Variants in TENM2 observed in about 807,000 individuals in gnomAD.
TENM2 encodes teneurin transmembrane protein 2.
Under a neutral mutation model 245.2 loss-of-function variants are expected in TENM2, and 52 were observed. The ratio of observed to expected loss-of-function variants is 0.21; its 90% CI spans 0.17 to 0.27. TENM2 has a LOEUF of 0.27. Ranked by LOEUF, TENM2 falls within the 10% of genes least tolerant of loss-of-function variation. The probability of loss-of-function intolerance (pLI) is 1.00; values close to 1 mark genes in which losing one functional copy is unlikely to be tolerated. For synonymous variants in TENM2, 1,363 were observed against 1,438.9 expected (o/e 0.95, Z 1.19); for missense variants, 3,046 against 3,666.8 (o/e 0.83, Z 4.37).
At chr5:168,229,515 T>TAA (rs1764629967) in intron 25 of TENM2, 1 of 138,446 alleles carries the variant, frequency 7.2e-6, no homozygotes, top group East Asian at 2.2e-4. Context: ...GGGTAGATCA[T>TAA]AAGTAAAAAC....
the TENM2 span, among the ~76,000 whole-genome samples, chr5:167,279,522 C>A: frequency 7.7e-5 from 9 of 116,872 alleles, no homozygotes; most frequent in African/African-American, 3.7e-4. Context: ...CCTTTCCTTC[C>A]TTCCTTCCTT....
chr5:167,914,622 G>C (rs563491546), intron 3 of TENM2, among the ~76,000 whole-genome samples: 1 of 152,274 alleles, frequency 6.6e-6, no homozygotes, highest in Admixed American at 6.5e-5. Context: ...CACTGAATGG[G>C]TGGCTTCAAA....
At chr5:167,784,376 G>A (rs1345765836) in intron 2 of TENM2, among the ~76,000 whole-genome samples, 1 of 152,170 alleles carries the variant, frequency 6.6e-6, no homozygotes, top group Non-Finnish European at 1.5e-5. Flanking sequence ...TGTAGTGAAA[G>A]CTCAATGCTT....
chr5:167,483,947 G>A (rs1163326309), intron 2 of TENM2, among the ~76,000 whole-genome samples: 2 of 152,128 alleles, frequency 1.3e-5, no homozygotes, highest in South Asian at 2.1e-4. Context: ...AGTTAATTTC[G>A]ATGCTAATTA....
intron 3 of TENM2, among the ~76,000 whole-genome samples, chr5:167,883,462 A>G (rs1438016733): frequency 6.6e-6 from 1 of 152,168 alleles, no homozygotes; most frequent in East Asian, 1.9e-4. Flanking sequence ...GGTCAGGACC[A>G]CTCTTCTGCA....
intron 2 of TENM2, among the ~76,000 whole-genome samples, chr5:167,614,146 A>G (rs1389155158): frequency 6.6e-6 from 1 of 152,186 alleles, no homozygotes; most frequent in Non-Finnish European, 1.5e-5. Flanking sequence ...CCGCTACTCA[A>G]CTGATTATAC....
chr5:167,590,557 C>T (rs1000830838), intron 2 of TENM2, among the ~76,000 whole-genome samples: 6 of 151,876 alleles, frequency 4.0e-5, no homozygotes, highest in East Asian at 1.9e-4. Flanking sequence ...ATAGAAGAAC[C>T]ACTCCTTTTT....
intron 1 of TENM2, among the ~76,000 whole-genome samples, chr5:167,348,694 G>A (rs1758628778): frequency 6.6e-6 from 1 of 152,182 alleles, no homozygotes; most frequent in Non-Finnish European, 1.5e-5. Flanking sequence ...TTTAACCCCA[G>A]GGGACTTGTG....
intron 2 of TENM2, among the ~76,000 whole-genome samples, chr5:167,413,901 C>T (rs1303918076): frequency 1.3e-5 from 2 of 152,090 alleles, no homozygotes; most frequent in African/African-American, 4.8e-5. Context: ...AAATGCATAG[C>T]GCTCAATACT....
chr5:167,369,085 G>T (rs2127293146), intron 1 of TENM2, among the ~76,000 whole-genome samples: 1 of 152,102 alleles, frequency 6.6e-6, no homozygotes, highest in East Asian at 1.9e-4. Flanking sequence ...GGCTTGTTTT[G>T]TCTGCTGCCG....
chr5:167,276,883 G>A, the TENM2 span, among the ~76,000 whole-genome samples: 1 of 152,044 alleles, frequency 6.6e-6, no homozygotes, highest in African/African-American at 2.4e-5. Flanking sequence ...TGAATCTGAT[G>A]TGGCAAAACC....
intron 2 of TENM2, among the ~76,000 whole-genome samples, chr5:167,784,388 C>T (rs1360414190): frequency 6.6e-6 from 1 of 152,200 alleles, no homozygotes; most frequent in African/African-American, 2.4e-5. Context: ...TCAATGCTTG[C>T]TGCTGCTTCT....
chr5:168,133,991 C>A (rs924076483), intron 12 of TENM2, among the ~76,000 whole-genome samples: 1 of 151,948 alleles, frequency 6.6e-6, no homozygotes, highest in African/African-American at 2.4e-5. Flanking sequence ...CCCGCCTCTA[C>A]TAAACATACA....
chr5:167,104,869 G>T, the TENM2 span, among the ~76,000 whole-genome samples: 3 of 152,166 alleles, frequency 2.0e-5, no homozygotes, highest in Non-Finnish European at 4.4e-5. Context: ...GCAGGAAATA[G>T]GGTATTTGAC....
At chr5:167,461,712 C>A (rs1315978982) in intron 2 of TENM2, among the ~76,000 whole-genome samples, 3 of 152,100 alleles carry the variant, frequency 2.0e-5, no homozygotes, top group Non-Finnish European at 4.4e-5. Context: ...GCAACCAAGG[C>A]TCTATGTCAA....
chr5:167,810,873 A>C (rs534854257), intron 2 of TENM2, among the ~76,000 whole-genome samples: 1 of 152,260 alleles, frequency 6.6e-6, no homozygotes, highest in Non-Finnish European at 1.5e-5. Flanking sequence ...AGGCACTGTA[A>C]CACATAGTTT....
intron 2 of TENM2, among the ~76,000 whole-genome samples, chr5:167,603,771 T>A (rs1776821394): frequency 6.6e-6 from 1 of 152,136 alleles, no homozygotes; most frequent in South Asian, 2.1e-4. Context: ...AGTGATGAAG[T>A]TGAGGAGACA....
At chr5:167,352,499 C>A (rs971863447) in intron 1 of TENM2, among the ~76,000 whole-genome samples, 3 of 152,174 alleles carry the variant, frequency 2.0e-5, no homozygotes, top group Non-Finnish European at 2.9e-5. Context: ...TGATCCTCCC[C>A]TTTTTGGAAG....
intron 27 of TENM2, among the ~76,000 whole-genome samples, chr5:168,256,116 T>C (rs561798076): frequency 6.6e-6 from 1 of 152,218 alleles, no homozygotes; most frequent in Non-Finnish European, 1.5e-5. Flanking sequence ...AATTTATTTT[T>C]TTAATGGATT....
Sources: gnomAD v4.1 joint callset for allele counts (sites outside exome capture counted in the v4.1 genomes callset) on GRCh38, gnomAD v4.1.1 for gene constraint, MANE v1.5 for transcripts, NCBI Gene and HGNC (gene_info 2026-07-23, HGNC 2026-07-21) for gene names.